ANK2: variants seen among roughly 807,000 people sequenced by gnomAD.
ANK2 encodes ankyrin 2.
A neutral mutation model predicts 360.5 loss-of-function variants in ANK2; 83 were observed. That is an observed-to-expected ratio of 0.23 (90% CI 0.19 to 0.28). ANK2 has a LOEUF of 0.28. Ranked by LOEUF, ANK2 falls within the 10% of genes least tolerant of loss-of-function variation. The pLI, the probability that ANK2 is intolerant of heterozygous loss-of-function variation, is 1.00. For synonymous variants in ANK2, 1,740 were observed against 1,759.5 expected (o/e 0.99, Z 0.28); for missense variants, 4,201 against 4,795.7 (o/e 0.88, Z 3.66).
chr4:112,947,053 A>G (rs909568280), intron 2 of ANK2, among the ~76,000 whole-genome samples: 1 of 152,222 alleles, frequency 6.6e-6, no homozygotes, highest in African/African-American at 2.4e-5. Flanking sequence ...TTTCTCTTGC[A>G]TGATTCATTC....
chr4:112,779,434 G>C, the ANK2 span, among the ~76,000 whole-genome samples: 46 of 152,204 alleles, frequency 3.0e-4, no homozygotes, highest in African/African-American at 1.1e-3. Context: ...CAGGATAATG[G>C]CGTGAACCCG....
chr4:112,909,824 A>C (rs1012729489), intron 2 of ANK2, among the ~76,000 whole-genome samples: 3 of 152,176 alleles, frequency 2.0e-5, no homozygotes, highest in African/African-American at 7.2e-5. Context: ...AGTTCTAATG[A>C]GCTCATTCAT....
intron 1 of ANK2, among the ~76,000 whole-genome samples, chr4:113,094,150 G>A (rs947045230): frequency 1.3e-4 from 20 of 152,048 alleles, no homozygotes; most frequent in South Asian, 6.2e-4. Context: ...CAATTAAGTC[G>A]GATGTTGATG....
intron 4 of ANK2, among the ~76,000 whole-genome samples, chr4:113,217,433 A>T (rs2099097654): frequency 6.6e-6 from 1 of 152,180 alleles, no homozygotes; most frequent in Non-Finnish European, 1.5e-5. Context: ...AAATTTTTGA[A>T]TGTGAATGTA....
At chr4:112,950,649 G>GAAAAAAAA (rs55980674) in intron 2 of ANK2, among the ~76,000 whole-genome samples, 35 of 118,448 alleles carry the variant, frequency 3.0e-4, no homozygotes, top group Non-Finnish European at 4.3e-4. Context: ...GTCTCAAAAA[G>GAAAAAAAA]AAAAAAAAAA....
At chr4:113,138,440 C>A (rs2096523573) in intron 1 of ANK2, among the ~76,000 whole-genome samples, 1 of 152,222 alleles carries the variant, frequency 6.6e-6, no homozygotes, top group East Asian at 1.9e-4. Flanking sequence ...ATCAGTTATC[C>A]TCATAATAAA....
rs2154053249 is a variant in ANK2, at chr4:113,365,114, C to T, written c.10964C>T (p.Pro3655Leu). 1 of 1,613,932 alleles carries T rather than the reference C, an allele frequency of 6.2e-7. No individual in the cohort carries two copies. Among genetic ancestry groups the T allele is most frequent in the Non-Finnish European group, 8.5e-7 (1 of 1,179,946 alleles). The change falls in exon 41 of 46, where the codon CCT becomes CTT. Residue 3655 changes from proline (P) to leucine (L), a missense_variant. By Grantham distance (98) the Pro-to-Leu change is moderately conservative. Around this residue, in one of 4 missense-constraint regions of ANK2, gnomAD observed 2,642 missense variants for 2,714.5 expected, o/e 0.97. Coordinates refer to ENST00000357077, the MANE Select transcript of ANK2 (RefSeq NM_001148.6). ...CATCTCATGGAGACCAACACAGAAC[C>T]TCTCCAGGAGCGCATCAGTCATAGT... is the stretch of plus-strand genomic sequence containing the variant. ...IVHLMETNTE[P>L]LQERISHSYA...
At chr4:113,132,288 CGTTTTTATAT>C (rs963554230) in intron 1 of ANK2, among the ~76,000 whole-genome samples, 3 of 151,866 alleles carry the variant, frequency 2.0e-5, no homozygotes, top group African/African-American at 7.3e-5. Flanking sequence ...AATGCATTTC[CGTTTTTATAT>C]GTTTTAATAA....
chr4:112,847,332 T>TACTC (rs1352016181), intron 1 of ANK2, among the ~76,000 whole-genome samples: 1 of 152,248 alleles, frequency 6.6e-6, no homozygotes, highest in Non-Finnish European at 1.5e-5. Context: ...GTGGTATTGT[T>TACTC]ACTCAGTTGT....
At chr4:112,926,749 C>T (rs2092606517) in intron 2 of ANK2, among the ~76,000 whole-genome samples, 1 of 152,018 alleles carries the variant, frequency 6.6e-6, no homozygotes, top group Admixed American at 6.6e-5. Context: ...AAAAGTAATC[C>T]CAAACATTAA....
intron 2 of ANK2, among the ~76,000 whole-genome samples, chr4:112,914,510 C>T (rs1483804405): frequency 6.6e-6 from 1 of 152,110 alleles, no homozygotes; most frequent in Non-Finnish European, 1.5e-5. Flanking sequence ...GTAATCCCAG[C>T]TACCCGGGAG....
intron 1 of ANK2, among the ~76,000 whole-genome samples, chr4:112,834,146 A>G (rs987499918): frequency 6.6e-6 from 1 of 152,220 alleles, no homozygotes. Context: ...AGAACGTATA[A>G]TGGACCCCCA....
At chr4:112,925,782 GT>G (rs34673979) in intron 2 of ANK2, among the ~76,000 whole-genome samples, 1 of 152,174 alleles carries the variant, frequency 6.6e-6, no homozygotes, top group Non-Finnish European at 1.5e-5. Context: ...CATGAAATGA[GT>G]TTTTTTCCTG....
chr4:113,066,647 C>T (rs1183132430), intron 1 of ANK2, among the ~76,000 whole-genome samples: 1 of 152,108 alleles, frequency 6.6e-6, no homozygotes, highest in Non-Finnish European at 1.5e-5. Context: ...GAGCCAGGCA[C>T]AGGTGTGACT....
chr4:113,069,560 C>T (rs1434659082), intron 1 of ANK2, among the ~76,000 whole-genome samples: 1 of 152,216 alleles, frequency 6.6e-6, no homozygotes, highest in African/African-American at 2.4e-5. Context: ...TTTGGCACTG[C>T]TATCTGATAC....
chr4:113,324,704 G>A (rs1205609645), intron 26 of ANK2, among the ~76,000 whole-genome samples: 2 of 152,154 alleles, frequency 1.3e-5, no homozygotes, highest in Non-Finnish European at 2.9e-5. Flanking sequence ...AGGAGAAAGA[G>A]CTCATGCAAT....
At chr4:112,940,031 T>G (rs1226808920) in intron 2 of ANK2, among the ~76,000 whole-genome samples, 1 of 152,244 alleles carries the variant, frequency 6.6e-6, no homozygotes, top group Non-Finnish European at 1.5e-5. Context: ...TTGTTTAAGT[T>G]AGTTTTATAA....
At chr4:113,223,703 T>A (rs1286528305) in intron 4 of ANK2, among the ~76,000 whole-genome samples, 2 of 152,174 alleles carry the variant, frequency 1.3e-5, no homozygotes, top group Non-Finnish European at 2.9e-5. Flanking sequence ...TATGTAAGAC[T>A]GTATTAGACT....
intron 1 of ANK2, among the ~76,000 whole-genome samples, chr4:113,143,604 A>G (rs540149066): frequency 6.6e-6 from 1 of 152,244 alleles, no homozygotes; most frequent in South Asian, 2.1e-4. Flanking sequence ...GGGGGAGTGC[A>G]TCTCTTTCAA....
Sources: gnomAD v4.1 joint callset for allele counts (sites outside exome capture counted in the v4.1 genomes callset) on GRCh38, gnomAD v4.1.1 for gene constraint, gnomAD v4.1.1 regional missense constraint, MANE v1.5 for transcripts, NCBI Gene and HGNC (gene_info 2026-07-23, HGNC 2026-07-21) for gene names.